LRRC66: variants seen among roughly 807,000 people sequenced by gnomAD.
LRRC66 encodes leucine rich repeat containing 66, also known as leucine-rich repeat-containing protein 66.
LRRC66 carries 29 observed loss-of-function variants against 24.6 expected under a neutral mutation model. That is an observed-to-expected ratio of 1.18 (90% confidence interval 0.88 to 1.61). The LOEUF is 1.61. Ranked by LOEUF, LRRC66 falls within the 40% of genes most tolerant of loss-of-function variation. The pLI, the probability that LRRC66 is intolerant of heterozygous loss-of-function variation, is 0.00. For synonymous variants in LRRC66, 411 were observed against 397.6 expected (o/e 1.03, Z -0.40); for missense variants, 1,124 against 1,058.0 (o/e 1.06, Z -0.87).
In LRRC66 at chr4:51,994,288, G is replaced by A. The variant is rs1736234035; in HGVS notation, c.*91C>T. ...GTTGGAATTCATGTTGTCTCCTTCA[G>A]GATCTTGTTGTGAAGGCTTTAGTTT... On this transcript the variant is annotated 3_prime_UTR_variant, in exon 5 of 5. Transcript: ENST00000682860. 2 of 1,226,518 alleles carry A rather than the reference G, an allele frequency of 1.6e-6. No individual in the cohort carries two copies. The highest frequency in any genetic ancestry group is 1.1e-6 in the Non-Finnish European group (1 of 893,400). 76.0% of individuals were successfully genotyped at this position (1,226,518 alleles called of 1,614,324 possible).
At chr4:52,003,046 G>T (rs1292565639) in intron 3 of LRRC66, among the ~76,000 whole-genome samples, 177 bp downstream of exon 3, 1 of 152,158 alleles carries the variant, frequency 6.6e-6, no homozygotes, top group African/African-American at 2.4e-5. Context: ...TGTGGCCTTT[G>T]ATTTTTGAGG....
At position 51,998,018 on chromosome 4, in the gene LRRC66, T is replaced by A. The variant is rs1404130525; in HGVS notation, c.667-81A>T. ...AAATAAATGAGTTACAGAAAACTAC[T>A]GTTTATGTCTCTATGGAGGCAATAT... is the stretch of plus-strand genomic sequence containing the variant. On this transcript the variant is annotated intron_variant, in intron 3 of 4. Coordinates refer to ENST00000682860, the MANE Select transcript of LRRC66 (RefSeq NM_001024611.3). 2.5e-6 allele frequency: 3 copies of A among 1,204,592 alleles called. No homozygotes were observed. In the African/African-American group the frequency reaches 4.6e-5, roughly 18 times the overall value. The allele number at this position is 1,204,592 out of a possible 1,614,324, so 74.6% of individuals were successfully genotyped here.
rs1736355869 is a variant in LRRC66 at position 51,997,756 on chromosome 4, C to G, written c.848G>C (p.Arg283Thr). 6.2e-7 allele frequency: 1 copy of G among 1,613,636 alleles called. No individual in the cohort carries two copies. Reference protein sequence around the residue: ...WRKKWNVICNRSIGSEEANGG... With the variant: ...WRKKWNVICNTSIGSEEANGG... ...AGACATTACTGACTTACCTATAGAC[C>G]TGTTGCAAATGACATTCCACTTTTT... Residue 283 changes from arginine (R) to threonine (T), a missense_variant, in exon 4 of 5, where the codon AGG becomes ACG. By Grantham distance (71) the Arg-to-Thr change is moderately conservative (BLOSUM62 -1). Coordinates refer to ENST00000682860, the MANE Select transcript of LRRC66 (RefSeq NM_001024611.3).
rs75105522 is a variant in LRRC66, at chr4:52,017,743, C to T, written c.-5-125G>A. 3.4e-4 allele frequency: 462 copies of T among 1,365,444 alleles called. 3 individuals carry two copies. In the East Asian group the frequency reaches 0.012, roughly 35 times the overall value. The allele number at this position is 1,365,444 out of a possible 1,614,324, so 84.6% of individuals were successfully genotyped here. A position where few individuals can be genotyped will look rare whatever the true frequency, so the allele number is the denominator to read the frequency against. On this transcript the variant is annotated intron_variant, in intron 1 of 4. Coordinates refer to ENST00000682860, the MANE Select transcript of LRRC66 (RefSeq NM_001024611.3). Reference sequence around the variant, plus strand: ...ATCTTGTCTTGGTTGCCAATTTAAGCGAATGTTTGATTTCTTACTGGGGCA... The same window carrying T: ...ATCTTGTCTTGGTTGCCAATTTAAGTGAATGTTTGATTTCTTACTGGGGCA...
chr4:52,018,763 AT>A (rs1276824187), intron 1 of LRRC66, among the ~76,000 whole-genome samples: 2 of 152,212 alleles, frequency 1.3e-5, no homozygotes, highest in Admixed American at 6.5e-5. Flanking sequence ...ACCTAGCTTG[AT>A]AAGTTCATGT....
At chr4:51,996,788 A>G (rs947728674) in intron 4 of LRRC66, among the ~76,000 whole-genome samples, 2 of 152,124 alleles carry the variant, frequency 1.3e-5, no homozygotes, top group African/African-American at 4.8e-5. Context: ...TTCCTGCCTC[A>G]CTGCTGCCTG....
intron 1 of LRRC66, chr4:52,018,485 C>T (rs192108936): frequency 8.1e-5 from 80 of 985,318 alleles, no homozygotes; most frequent in Non-Finnish European, 9.3e-5. Flanking sequence ...AAGAAATTGT[C>T]CCTTCCTTTC....
rs752235524 is a variant in LRRC66 at position 51,994,848 on chromosome 4, G to T, written c.2174C>A (p.Thr725Asn). The T allele has an allele frequency of 3.1e-6, 5 of 1,614,230 alleles. No homozygotes were observed. The highest frequency in any genetic ancestry group is 4.2e-6 in the Non-Finnish European group (5 of 1,180,044). Residue 725 changes from threonine (T) to asparagine (N), a missense_variant, in exon 5 of 5, where the codon ACT becomes AAT. Coordinates refer to ENST00000682860, the MANE Select transcript of LRRC66 (RefSeq NM_001024611.3). ...SISSESARSK[T>N]EEAVPDEESL... ...CTCCTCATCAGGCACTGCCTCTTCA[G>T]TCTTGCTCCTTGCACTCTCTGAACT...
chr4:52,003,698 C>T (rs1292616051), intron 2 of LRRC66, among the ~76,000 whole-genome samples: 1 of 152,090 alleles, frequency 6.6e-6, no homozygotes, highest in East Asian at 1.9e-4. Context: ...AAAGGCCTGG[C>T]AGGAGATAAA....
Position 51,997,895 on chromosome 4 carries a change from T to C in LRRC66, c.709A>G (p.Met237Val). The C allele has an allele frequency of 1.2e-6, 2 of 1,614,096 alleles. No individual in the cohort carries two copies. Among genetic ancestry groups the C allele is most frequent in the African/African-American group, 2.7e-5 (2 of 75,052 alleles). ...GGAAATTCTAGAGCTATGATCATCA[T>C]TGGTAGGATGGTAATCAGAGCATTG... ...SNNALITILP[M>V]MIIALEFPHL... The change falls in exon 4 of 5, where the codon ATG (methionine) becomes GTG (valine). Residue 237 changes from methionine to valine, a missense_variant. Physicochemically the swap from Met to Val is conservative, Grantham distance 21. Transcript: ENST00000682860.
chr4:51,994,832 A>AG lies in LRRC66; in HGVS notation c.2189dup (p.Asp731Ter). 1.9e-6 allele frequency: 3 copies of AG among 1,614,168 alleles called. No individual in the cohort carries two copies. In the South Asian group the frequency reaches 3.3e-5, roughly 18 times the overall value. ...TCTCGTCCTGCAGGGACTCCTCATC[A>AG]GGCACTGCCTCTTCAGTCTTGCTCC... On this transcript the variant is annotated frameshift_variant, in exon 5 of 5. Transcript: ENST00000682860. LOFTEE classifies it low-confidence loss of function (END_TRUNC).
chr4:52,002,180 G>C (rs761789734), intron 3 of LRRC66, among the ~76,000 whole-genome samples: 1 of 152,196 alleles, frequency 6.6e-6, no homozygotes, highest in Non-Finnish European at 1.5e-5. Flanking sequence ...TTTCTATATT[G>C]ATGATGTGTA....
chr4:51,994,718 A>C lies in LRRC66; in HGVS notation c.2304T>G (p.Asn768Lys), dbSNP rs191736191. ...GAGGTTTTTCAAAGGGATCTTCTTG[A>C]TTCTTGCATTTCCCTGGAATTGTTT... ...TFQTIPGKCK[N>K]QEDPFEKPLI... Residue 768 changes from asparagine to lysine, a missense_variant, in exon 5 of 5, where the codon AAT becomes AAG. Transcript: ENST00000682860. 133 of 1,614,104 alleles carry C rather than the reference A, an allele frequency of 8.2e-5. No individual in the cohort carries two copies. In the African/African-American group the frequency reaches 1.7e-3, roughly 20 times the overall value.
At chr4:51,997,694 A>G (rs1331708449) in intron 4 of LRRC66, 54 bp downstream of exon 4, 2 of 1,480,222 alleles carry the variant, frequency 1.4e-6, no homozygotes, top group East Asian at 4.5e-5. Context: ...TAAAATGTCT[A>G]TGTGCATTTT....
intron 2 of LRRC66, among the ~76,000 whole-genome samples, chr4:52,012,705 G>A (rs754955943): frequency 2.2e-4 from 34 of 152,098 alleles, no homozygotes; most frequent in Non-Finnish European, 4.7e-4. Context: ...AATGCTGGGA[G>A]GAAAATATAG....
chr4:52,011,094 T>C (rs1399532146), intron 2 of LRRC66, among the ~76,000 whole-genome samples: 1 of 152,172 alleles, frequency 6.6e-6, no homozygotes, highest in Non-Finnish European at 1.5e-5. Flanking sequence ...AAGAAGCTTT[T>C]GCGGTGACAG....
intron 1 of LRRC66, among the ~76,000 whole-genome samples, chr4:52,019,732 G>T (rs1200991867): frequency 6.6e-6 from 1 of 152,160 alleles, no homozygotes; most frequent in Non-Finnish European, 1.5e-5. Context: ...CCAAGCTAAT[G>T]TAACAAAATC....
intron 3 of LRRC66, among the ~76,000 whole-genome samples, chr4:52,000,053 T>C (rs1338001334): frequency 6.6e-6 from 1 of 152,084 alleles, no homozygotes; most frequent in African/African-American, 2.4e-5. Flanking sequence ...GAAAACAACA[T>C]CCATTGTGAT....
At chr4:52,016,913 T>A (rs567216593) in intron 2 of LRRC66, among the ~76,000 whole-genome samples, 1 of 152,290 alleles carries the variant, frequency 6.6e-6, no homozygotes, top group East Asian at 1.9e-4. Context: ...ATGTCAGATA[T>A]ACTAATGGGA....
Sources: allele counts gnomAD v4.1 joint callset (sites outside exome capture counted in the v4.1 genomes callset), GRCh38; gene constraint gnomAD v4.1.1; transcripts MANE v1.5; gene names NCBI Gene and HGNC (gene_info 2026-07-23, HGNC 2026-07-21).